The following ARB2A variants were observed in gnomAD, a reference collection of about 807,000 sequenced individuals.
ARB2A encodes the protein cotranscriptional regulator ARB2A.
the ARB2A span, chr5:93,743,504 T>C: frequency 1.0e-6 from 1 of 979,100 alleles, no homozygotes; most frequent in Non-Finnish European, 1.2e-6. Flanking sequence ...AAGAATAACT[T>C]TGCTGGTATC....
chr5:93,759,090 C>T, the ARB2A span, among the ~76,000 whole-genome samples: 3 of 152,036 alleles, frequency 2.0e-5, no homozygotes, highest in African/African-American at 7.2e-5. Flanking sequence ...CACTGAAATA[C>T]AAAAGATCAT....
chr5:93,865,516 C>CTT, the ARB2A span: 3 of 985,320 alleles, frequency 3.0e-6, no homozygotes, highest in African/African-American at 5.2e-5. Context: ...TGGCATTGTA[C>CTT]TTTTATCACA....
At chr5:93,698,361 A>G in the ARB2A span, among the ~76,000 whole-genome samples, 2 of 152,208 alleles carry the variant, frequency 1.3e-5, no homozygotes, top group African/African-American at 4.8e-5. Flanking sequence ...CTTACATTCT[A>G]GTGAGGAGAA....
the ARB2A span, among the ~76,000 whole-genome samples, chr5:93,713,443 G>A: frequency 6.6e-6 from 1 of 151,940 alleles, no homozygotes. Context: ...TGGCCAAGAG[G>A]TACATAAAAA....
the ARB2A span, among the ~76,000 whole-genome samples, chr5:94,064,602 A>G: frequency 6.6e-6 from 1 of 152,196 alleles, no homozygotes; most frequent in South Asian, 2.1e-4. Flanking sequence ...GACAGTAGCC[A>G]CTCACTTAGA....
chr5:93,954,812 G>T, the ARB2A span, among the ~76,000 whole-genome samples: 1 of 152,114 alleles, frequency 6.6e-6, no homozygotes, highest in Non-Finnish European at 1.5e-5. Context: ...TGTGAGGCTT[G>T]CTGGAACTCA....
the ARB2A span, among the ~76,000 whole-genome samples, chr5:94,100,457 CAA>C: frequency 6.6e-6 from 1 of 151,890 alleles, no homozygotes; most frequent in African/African-American, 2.4e-5. Context: ...TTTATGGAAC[CAA>C]AAAAGAGCTC....
At chr5:93,851,722 C>T in the ARB2A span, among the ~76,000 whole-genome samples, 243 of 152,154 alleles carry the variant, frequency 1.6e-3, no homozygotes, top group Middle Eastern at 0.014. Context: ...TTTGTTCTTG[C>T]GATAGTTTAC....
chr5:93,954,678 C>CAGCAA, the ARB2A span, among the ~76,000 whole-genome samples: 1 of 145,388 alleles, frequency 6.9e-6, no homozygotes, highest in Non-Finnish European at 1.5e-5. Context: ...CCTCTAAGCA[C>CAGCAA]AGCACAGCAC....
At chr5:93,931,960 T>C in the ARB2A span, among the ~76,000 whole-genome samples, 4 of 152,224 alleles carry the variant, frequency 2.6e-5, no homozygotes, top group Non-Finnish European at 5.9e-5. Flanking sequence ...TAATTATATG[T>C]TTGTTCATTC....
the ARB2A span, among the ~76,000 whole-genome samples, chr5:93,767,080 T>G: frequency 3.3e-5 from 5 of 151,666 alleles, no homozygotes; most frequent in African/African-American, 1.2e-4. Context: ...TGGAGATATA[T>G]CTAATGTTAA....
At chr5:93,805,046 C>G in the ARB2A span, 1 of 961,610 alleles carries the variant, frequency 1.0e-6, no homozygotes, top group Non-Finnish European at 1.2e-6. Flanking sequence ...TGAGGGGATG[C>G]ATTTTAATAT....
chr5:93,740,940 C>A, the ARB2A span: 3 of 1,613,880 alleles, frequency 1.9e-6, no homozygotes, highest in Non-Finnish European at 2.5e-6. Context: ...ACTTCCCAGA[C>A]TGTTGCAGGA....
chr5:93,622,245 A>G, the ARB2A span, among the ~76,000 whole-genome samples: 1 of 152,224 alleles, frequency 6.6e-6, no homozygotes, highest in African/African-American at 2.4e-5. Context: ...TAAACAGTTG[A>G]AATCTCTTCC....
chr5:93,824,321 GCAAA>G, the ARB2A span: 1 of 1,294,470 alleles, frequency 7.7e-7, no homozygotes, highest in East Asian at 2.7e-5. Context: ...TATTATCATA[GCAAA>G]CAACAATTAA....
At chr5:93,975,150 T>TA in the ARB2A span, among the ~76,000 whole-genome samples, 1 of 151,306 alleles carries the variant, frequency 6.6e-6, no homozygotes, top group Non-Finnish European at 1.5e-5. Flanking sequence ...CTGTCTCTAC[T>TA]AAAAAAATAC....
the ARB2A span, among the ~76,000 whole-genome samples, chr5:94,048,051 CTT>C: frequency 1.5e-4 from 14 of 96,078 alleles, no homozygotes; most frequent in Admixed American, 4.5e-4. Context: ...AATCGGTAAG[CTT>C]TTTTTTTTTT....
chr5:93,828,567 T>C, the ARB2A span, among the ~76,000 whole-genome samples: 1 of 152,194 alleles, frequency 6.6e-6, no homozygotes, highest in Admixed American at 6.5e-5. Context: ...ATTTCACAAG[T>C]GGATGACCAC....
the ARB2A span, among the ~76,000 whole-genome samples, chr5:93,850,621 G>A: frequency 1.3e-5 from 2 of 152,138 alleles, no homozygotes; most frequent in Non-Finnish European, 2.9e-5. Flanking sequence ...CTACATTACA[G>A]GGATGTAATG....
Sources: gnomAD v4.1 joint callset for allele counts (sites outside exome capture counted in the v4.1 genomes callset) on GRCh38, gnomAD v4.1.1 for gene constraint, MANE v1.5 for transcripts, NCBI Gene and HGNC (gene_info 2026-07-23, HGNC 2026-07-21) for gene names.